The following CLEC16A variants were observed in gnomAD, a reference collection of about 807,000 sequenced individuals.
CLEC16A encodes C-type lectin domain containing 16A.
CLEC16A carries 51 observed loss-of-function variants against 109.5 expected under a neutral mutation model. The observed-to-expected ratio is 0.47, with a 90% CI of 0.37 to 0.59. The LOEUF (loss-of-function observed/expected upper bound fraction) is 0.59. CLEC16A is among the 20% of genes least tolerant of loss of function. The pLI is 0.00. For missense variants in CLEC16A, 1,339 were observed against 1,394.0 expected (o/e 0.96, Z 0.63); for synonymous variants, 673 against 564.2 (o/e 1.19, Z -2.73).
chr16:11,027,101 C>G (rs1342986408), intron 13 of CLEC16A: 3 of 1,530,602 alleles, frequency 2.0e-6, no homozygotes, highest in Non-Finnish European at 2.7e-6. Flanking sequence ...ATCAGGCACT[C>G]AAAGCCACCC....
Position 10,944,593 on chromosome 16 carries a change from C to A in CLEC16A, c.-125C>A. On this transcript the variant is annotated 5_prime_UTR_variant, in exon 1 of 24. Coordinates refer to ENST00000409790, the MANE Select transcript of CLEC16A (RefSeq NM_015226.3). ...CTGGGCTGTGGGCCGGGGAGGAAGG[C>A]GGCTCGCGGTTCCTCCACCGCCTCC... 3.3e-6 allele frequency: 3 copies of A among 903,138 alleles called. No individual in the cohort carries two copies. Among genetic ancestry groups the A allele is most frequent in the Admixed American group, 2.3e-5 (1 of 42,628 alleles). The allele number at this position is 903,138 out of a possible 1,614,324, so 55.9% of individuals were successfully genotyped here.
intron 9 of CLEC16A, among the ~76,000 whole-genome samples, chr16:10,981,402 A>G (rs957580629): frequency 2.6e-5 from 4 of 152,192 alleles, no homozygotes; most frequent in South Asian, 2.1e-4. Flanking sequence ...GAATCATACT[A>G]TGTGGTCTCT....
At chr16:11,075,939 T>C (rs767682790) in intron 19 of CLEC16A, among the ~76,000 whole-genome samples, 1 of 152,182 alleles carries the variant, frequency 6.6e-6, no homozygotes, top group Non-Finnish European at 1.5e-5. Flanking sequence ...ACTCTAGTTA[T>C]TCAGCCAAAC....
At chr16:11,024,953 C>A in intron 13 of CLEC16A, 32 bp downstream of exon 13, 1 of 1,467,894 alleles carries the variant, frequency 6.8e-7, no homozygotes, top group African/African-American at 1.4e-5. Context: ...GACTTCCTTG[C>A]TGGGCCCTGC....
intron 11 of CLEC16A, among the ~76,000 whole-genome samples, chr16:11,012,033 C>T (rs955954445): frequency 6.6e-6 from 1 of 152,102 alleles, no homozygotes; most frequent in Non-Finnish European, 1.5e-5. Context: ...CCATGCCCAC[C>T]CCAATACTTT....
At chr16:11,039,143 G>A (rs2047182555) in intron 13 of CLEC16A, among the ~76,000 whole-genome samples, 1 of 152,070 alleles carries the variant, frequency 6.6e-6, no homozygotes, top group African/African-American at 2.4e-5. Flanking sequence ...GCTATGGGAT[G>A]GTGTCCCCTT....
chr16:11,061,066 G>A (rs1213955274), intron 19 of CLEC16A, 44 bp downstream of exon 19: 3 of 1,548,752 alleles, frequency 1.9e-6, no homozygotes, highest in African/African-American at 2.7e-5. Context: ...TGGGGGACAT[G>A]GGACATGGGA....
chr16:11,016,170 G>T (rs2045733220), intron 11 of CLEC16A, among the ~76,000 whole-genome samples: 1 of 146,600 alleles, frequency 6.8e-6, no homozygotes, highest in African/African-American at 2.5e-5. Flanking sequence ...AAGACCTACT[G>T]CCTAGGGAAT....
At chr16:11,141,047 T>C (rs1046287853) in intron 22 of CLEC16A, among the ~76,000 whole-genome samples, 1 of 152,234 alleles carries the variant, frequency 6.6e-6, no homozygotes. Flanking sequence ...CTCAGACGGA[T>C]AGAGCTGCCT....
At chr16:10,948,141 C>T (rs1192868605) in intron 1 of CLEC16A, among the ~76,000 whole-genome samples, 1 of 152,194 alleles carries the variant, frequency 6.6e-6, no homozygotes, top group Non-Finnish European at 1.5e-5. Context: ...GATCTGCCCT[C>T]CTTGACCTCC....
intron 2 of CLEC16A, among the ~76,000 whole-genome samples, chr16:10,959,014 GGTGT>G (rs59658260): frequency 0.024 from 3,573 of 146,236 alleles, 81 homozygotes; most frequent in African/African-American, 0.056. Flanking sequence ...ACTAAACACG[GGTGT>G]GTGTGTGTGT....
chr16:11,147,352 C>T (rs887225751), intron 22 of CLEC16A, among the ~76,000 whole-genome samples: 1 of 152,130 alleles, frequency 6.6e-6, no homozygotes, highest in Non-Finnish European at 1.5e-5. Flanking sequence ...AGGAATTTGA[C>T]CTGGGATATT....
At chr16:11,175,735 A>G (rs953298974) in intron 23 of CLEC16A, among the ~76,000 whole-genome samples, 1 of 152,206 alleles carries the variant, frequency 6.6e-6, no homozygotes, top group Admixed American at 6.5e-5. Flanking sequence ...TGAAGAAGAA[A>G]TCAGTTCTGT....
chr16:10,983,329 A>C (rs2043435295), intron 10 of CLEC16A, among the ~76,000 whole-genome samples: 1 of 152,246 alleles, frequency 6.6e-6, no homozygotes, highest in African/African-American at 2.4e-5. Context: ...GGCGATGAAC[A>C]TCCATGAATG....
At chr16:11,001,120 C>T (rs2044644249) in intron 10 of CLEC16A, among the ~76,000 whole-genome samples, 1 of 151,822 alleles carries the variant, frequency 6.6e-6, no homozygotes, top group Admixed American at 6.6e-5. Flanking sequence ...TTTTTTGAGA[C>T]ATCTCACTCT....
At chr16:11,062,380 T>C (rs1466863516) in intron 19 of CLEC16A, among the ~76,000 whole-genome samples, 3 of 152,130 alleles carry the variant, frequency 2.0e-5, no homozygotes, top group African/African-American at 7.2e-5. Context: ...AACTATAGAG[T>C]TGTGATCTAG....
At chr16:11,061,069 A>T in intron 19 of CLEC16A, 47 bp downstream of exon 19, 1 of 1,547,888 alleles carries the variant, frequency 6.5e-7, no homozygotes, top group Non-Finnish European at 8.7e-7. Context: ...GGGACATGGG[A>T]CATGGGACAC....
intron 20 of CLEC16A, among the ~76,000 whole-genome samples, chr16:11,123,415 A>G (rs925003876): frequency 6.6e-5 from 10 of 152,136 alleles, no homozygotes; most frequent in Non-Finnish European, 1.3e-4. Flanking sequence ...CTGTGGTGTT[A>G]CCTGTGGCCC....
At chr16:11,141,769 C>T (rs1277237835) in intron 22 of CLEC16A, among the ~76,000 whole-genome samples, 2 of 152,178 alleles carry the variant, frequency 1.3e-5, no homozygotes, top group African/African-American at 4.8e-5. Flanking sequence ...GTGGGGACAG[C>T]GTGCCTGGTT....
Sources: gnomAD v4.1 joint callset for allele counts (sites outside exome capture counted in the v4.1 genomes callset) on GRCh38, gnomAD v4.1.1 for gene constraint, MANE v1.5 for transcripts, NCBI Gene and HGNC (gene_info 2026-07-23, HGNC 2026-07-21) for gene names.